The following PTPRT variants were observed in gnomAD, a reference collection of about 807,000 sequenced individuals.
PTPRT encodes the protein receptor-type tyrosine-protein phosphatase T.
Under a neutral mutation model 176.8 loss-of-function variants are expected in PTPRT, and 56 were observed. The observed-to-expected ratio is 0.32, with a 90% confidence interval of 0.26 to 0.40. The LOEUF is 0.40. Ranked by LOEUF, PTPRT falls within the 10% of genes least tolerant of loss-of-function variation. PTPRT has a pLI of 1.00. For synonymous variants in PTPRT, 783 were observed against 739.0 expected (o/e 1.06, Z -0.96); for missense variants, 1,540 against 1,908.2 (o/e 0.81, Z 3.60).
chr20:42,554,067 A>G (rs1601253790), intron 7 of PTPRT, among the ~76,000 whole-genome samples: 1 of 152,218 alleles, frequency 6.6e-6, no homozygotes, highest in East Asian at 1.9e-4. Context: ...AGGCAATATA[A>G]TCTTTGCAGG....
intron 13 of PTPRT, among the ~76,000 whole-genome samples, chr20:42,261,675 GATA>G (rs2056751769): frequency 1.3e-5 from 2 of 152,104 alleles, no homozygotes; most frequent in Admixed American, 1.3e-4. Context: ...CTTCTGGAAG[GATA>G]ATATGTCTCA....
chr20:42,318,300 A>G (rs1413540644), intron 11 of PTPRT, among the ~76,000 whole-genome samples: 16 of 152,214 alleles, frequency 1.1e-4, no homozygotes, highest in Non-Finnish European at 2.1e-4. Context: ...GAAAAATAGC[A>G]CAAGGACCTA....
intron 8 of PTPRT, among the ~76,000 whole-genome samples, chr20:42,453,662 TC>T (rs1198617564): frequency 1.4e-5 from 2 of 140,178 alleles, no homozygotes; most frequent in African/African-American, 5.7e-5. Flanking sequence ...TCCTTTTTTT[TC>T]TTTTTCTTTT....
chr20:43,023,840 ATG>A (rs538595351), intron 1 of PTPRT, among the ~76,000 whole-genome samples: 194 of 152,188 alleles, frequency 1.3e-3, no homozygotes, highest in African/African-American at 4.4e-3. Context: ...TTTACCCCAG[ATG>A]TCTCATCAAA....
chr20:42,083,157 G>C (rs1238706007), intron 29 of PTPRT, among the ~76,000 whole-genome samples: 1 of 108,070 alleles, frequency 9.3e-6, no homozygotes, highest in Admixed American at 9.1e-5. Context: ...AAACAAACAT[G>C]AGAGAGAGAG....
intron 1 of PTPRT, among the ~76,000 whole-genome samples, chr20:42,898,951 C>A (rs902623279): frequency 7.9e-5 from 12 of 152,152 alleles, no homozygotes; most frequent in African/African-American, 2.7e-4. Flanking sequence ...GTCCAACCAG[C>A]CTGAAAAGTG....
intron 2 of PTPRT, among the ~76,000 whole-genome samples, chr20:42,848,950 T>G (rs188480125): frequency 6.6e-6 from 1 of 152,324 alleles, no homozygotes; most frequent in African/African-American, 2.4e-5. Flanking sequence ...GTTTCTGATG[T>G]TAGATTTAAG....
chr20:43,133,699 G>T (rs2013720006), intron 1 of PTPRT, among the ~76,000 whole-genome samples: 1 of 147,540 alleles, frequency 6.8e-6, no homozygotes, highest in Non-Finnish European at 1.5e-5. Context: ...AGTGAGCCAA[G>T]ATCCCACCAC....
chr20:42,937,209 T>G (rs1980241851), intron 1 of PTPRT, among the ~76,000 whole-genome samples: 2 of 152,354 alleles, frequency 1.3e-5, no homozygotes, highest in South Asian at 4.1e-4. Flanking sequence ...AATGTGCAGC[T>G]ATTACATGCC....
intron 1 of PTPRT, among the ~76,000 whole-genome samples, chr20:42,935,739 G>A (rs1312887334): frequency 2.6e-5 from 4 of 152,236 alleles, no homozygotes; most frequent in African/African-American, 9.6e-5. Flanking sequence ...GTCCAGTCCA[G>A]TCTATTCTTC....
At chr20:42,947,772 G>C (rs977354727) in intron 1 of PTPRT, among the ~76,000 whole-genome samples, 8 of 151,990 alleles carry the variant, frequency 5.3e-5, no homozygotes, top group African/African-American at 1.9e-4. Flanking sequence ...TCCAGTGCAT[G>C]AGGCCACCCC....
chr20:42,668,204 T>C (rs1466174042), intron 7 of PTPRT, among the ~76,000 whole-genome samples: 1 of 152,224 alleles, frequency 6.6e-6, no homozygotes, highest in Non-Finnish European at 1.5e-5. Context: ...AGTTACACTA[T>C]TGCACTTCAT....
At chr20:42,568,368 G>A (rs141663041) in intron 7 of PTPRT, among the ~76,000 whole-genome samples, 4 of 152,236 alleles carry the variant, frequency 2.6e-5, no homozygotes, top group East Asian at 3.9e-4. Flanking sequence ...ATACTCCAAC[G>A]TTGGTATTAT....
rs538095272 is a variant in PTPRT at position 42,840,395 on chromosome 20, T to G, written c.214+45412A>C. The stretch of plus-strand genomic sequence containing the variant: ...ATTTAAGGCTTCAACACATCTTTTT[T>G]GTTTTTTTATTTTTATTTTCATTTT... On this transcript the variant is annotated intron_variant, in intron 2 of 30. Transcript: ENST00000373187. 1.1e-3 allele frequency among the ~76,000 whole-genome samples: 160 copies of G among 152,322 alleles called. 1 individual carries two copies. The highest frequency in any genetic ancestry group is 3.3e-3 in the Admixed American group (50 of 15,306).
intron 1 of PTPRT, among the ~76,000 whole-genome samples, chr20:43,001,807 TAA>T (rs1427366831): frequency 6.6e-6 from 1 of 152,052 alleles, no homozygotes; most frequent in Non-Finnish European, 1.5e-5. Context: ...AATAAAGATA[TAA>T]GTGTCAAAAT....
intron 1 of PTPRT, among the ~76,000 whole-genome samples, chr20:43,170,753 C>T (rs2014977508): frequency 6.6e-6 from 1 of 152,186 alleles, no homozygotes; most frequent in Admixed American, 6.5e-5. Flanking sequence ...AGGATGCAGA[C>T]TCAGTAAGTG....
chr20:42,798,627 A>G (rs755565640), intron 2 of PTPRT, among the ~76,000 whole-genome samples: 1 of 151,280 alleles, frequency 6.6e-6, no homozygotes, highest in Admixed American at 6.6e-5. Context: ...ATGGATATAT[A>G]ATACCTATTT....
intron 1 of PTPRT, among the ~76,000 whole-genome samples, chr20:43,036,693 T>C (rs1434157316): frequency 6.6e-6 from 1 of 152,086 alleles, no homozygotes; most frequent in Admixed American, 6.5e-5. Flanking sequence ...CTTAAAACAA[T>C]AGGCTAACCT....
intron 7 of PTPRT, among the ~76,000 whole-genome samples, chr20:42,482,585 T>C (rs2071405733): frequency 6.6e-6 from 1 of 152,120 alleles, no homozygotes; most frequent in Admixed American, 6.6e-5. Flanking sequence ...GGGTAGGAGA[T>C]TAAATAATAT....
Sources: gnomAD v4.1 joint callset for allele counts (sites outside exome capture counted in the v4.1 genomes callset) on GRCh38, gnomAD v4.1.1 for gene constraint, MANE v1.5 for transcripts, NCBI Gene and HGNC (gene_info 2026-07-23, HGNC 2026-07-21) for gene names.